Variants in ITPKB observed in about 807,000 individuals in gnomAD.
ITPKB encodes IP3 3-kinase B.
A neutral mutation model predicts 69.4 loss-of-function variants in ITPKB; 13 were observed. The ratio of observed to expected loss-of-function variants is 0.19; its 90% CI spans 0.12 to 0.30. The LOEUF is 0.30. Among genes scored for constraint, ITPKB ranks in the 10% least tolerant of loss-of-function variants. ITPKB has a pLI of 1.00. For synonymous variants in ITPKB, 584 were observed against 513.7 expected (o/e 1.14, Z -1.85); for missense variants, 1,240 against 1,250.5 (o/e 0.99, Z 0.13).
Position 226,639,636 on chromosome 1 carries a change from C to T in ITPKB, c.2474G>A (p.Arg825Gln), listed in dbSNP as rs755294781. The T allele has an allele frequency of 4.3e-6, 7 of 1,613,384 alleles. No homozygotes were observed. The highest frequency in any genetic ancestry group is 3.3e-5 in the South Asian group (3 of 91,072). The change falls in exon 6 of 8, where the codon CGG becomes CAG. Residue 825 changes from arginine to glutamine, a missense_variant. Transcript: ENST00000429204. ...CCTCGTTTTGGTCTTCTTGAAGTCC[C>T]GGTTCACGGTGCCGTCTTCTTTCTG... ...GIKKEDGTVNRDFKKTKTREQ... is the reference protein window; with the variant it reads ...GIKKEDGTVNQDFKKTKTREQ...
At chr1:226,730,388 T>C (rs1225049065) in intron 2 of ITPKB, among the ~76,000 whole-genome samples, 1 of 152,216 alleles carries the variant, frequency 6.6e-6, no homozygotes, top group Non-Finnish European at 1.5e-5. Flanking sequence ...TAGTTGGGTT[T>C]GGTGTGACTT....
chr1:226,654,019 G>A (rs1461832681), intron 2 of ITPKB, among the ~76,000 whole-genome samples: 2 of 152,190 alleles, frequency 1.3e-5, no homozygotes, highest in Non-Finnish European at 2.9e-5. Context: ...GGGAAAGATG[G>A]AGCTTCAATT....
intron 2 of ITPKB, among the ~76,000 whole-genome samples, chr1:226,677,551 G>A (rs1228008304): frequency 6.6e-6 from 1 of 152,204 alleles, no homozygotes; most frequent in South Asian, 2.1e-4. Context: ...CATCCACCCT[G>A]AATATTGCTG....
chr1:226,722,821 C>T (rs1657284188), intron 2 of ITPKB, among the ~76,000 whole-genome samples: 1 of 152,090 alleles, frequency 6.6e-6, no homozygotes, highest in Non-Finnish European at 1.5e-5. Context: ...ACATTCAGAG[C>T]CTGGAAGCTC....
intron 2 of ITPKB, among the ~76,000 whole-genome samples, chr1:226,722,267 G>T (rs1175866497): frequency 6.6e-6 from 1 of 152,156 alleles, no homozygotes; most frequent in Non-Finnish European, 1.5e-5. Context: ...GGGGCTCCTT[G>T]CCACTCCAAC....
chr1:226,643,133 C>A (rs1668996518), intron 4 of ITPKB, among the ~76,000 whole-genome samples: 1 of 152,230 alleles, frequency 6.6e-6, no homozygotes, highest in South Asian at 2.1e-4. Context: ...ACACGAGCAG[C>A]TCCAGCTGAA....
Position 226,642,229 on chromosome 1 carries a change from A to G in ITPKB, c.2247-104T>C. On this transcript the variant is annotated intron_variant, in intron 4 of 7. Transcript: ENST00000429204. The surrounding 1 kb of genome is among the most constrained non-coding windows in gnomAD (Gnocchi z 6.4). ...GAAGGTTTGGGGCGTGTGTTGCCCA[A>G]CAGCTGCAGTCAGCTCAGTGCCCTG... The G allele has an allele frequency of 3.3e-6, 3 of 909,918 alleles. No homozygotes were observed. The highest frequency in any genetic ancestry group is 3.4e-6 in the Non-Finnish European group (2 of 587,836). 56.4% of individuals were successfully genotyped at this position (909,918 alleles called of 1,614,324 possible). A position where few individuals can be genotyped will look rare whatever the true frequency, so the allele number is the denominator to read the frequency against.
In ITPKB at chr1:226,729,889, C is replaced by T. The variant is rs1296703259; in HGVS notation, c.1932+5638G>A. 2.0e-5 allele frequency among the ~76,000 whole-genome samples: 3 copies of T among 152,150 alleles called. No individual in the cohort carries two copies. The East Asian group carries it at 5.8e-4, about 29-fold the overall frequency. On this transcript the variant is annotated intron_variant, in intron 2 of 7. Transcript: ENST00000429204. ...GGATTACAGGCATGAACCACCACAC[C>T]TGGCCTAGTTTTTGTTATTTTTTAA...
chr1:226,723,823 T>C (rs936682973), intron 2 of ITPKB, among the ~76,000 whole-genome samples: 8 of 152,238 alleles, frequency 5.3e-5, no homozygotes, highest in African/African-American at 1.7e-4. Flanking sequence ...GGCAGCTGAA[T>C]ACAGGGGATT....
At chr1:226,723,771 A>G (rs1463683482) in intron 2 of ITPKB, among the ~76,000 whole-genome samples, 1 of 151,950 alleles carries the variant, frequency 6.6e-6, no homozygotes, top group Non-Finnish European at 1.5e-5. Context: ...ACAGAATAAA[A>G]AGAGGCTGGT....
intron 2 of ITPKB, among the ~76,000 whole-genome samples, chr1:226,684,617 CT>C (rs2102776305): frequency 6.6e-6 from 1 of 152,356 alleles, no homozygotes; most frequent in South Asian, 2.1e-4. Flanking sequence ...ATAGAGAACA[CT>C]GGTGAACCAG....
intron 2 of ITPKB, 96 bp downstream of exon 2, chr1:226,735,431 T>C (rs1657714341): frequency 1.5e-6 from 2 of 1,346,122 alleles, no homozygotes; most frequent in Non-Finnish European, 1.9e-6. Context: ...TGAGTTTTCA[T>C]GACTGTGTAG....
At chr1:226,675,829 C>T (rs1463138321) in intron 2 of ITPKB, among the ~76,000 whole-genome samples, 1 of 152,176 alleles carries the variant, frequency 6.6e-6, no homozygotes, top group Non-Finnish European at 1.5e-5. Context: ...GAGTCCCAGC[C>T]TCTTGCTCCT....
chr1:226,703,809 G>T (rs1656738323), intron 2 of ITPKB, among the ~76,000 whole-genome samples: 2 of 152,246 alleles, frequency 1.3e-5, no homozygotes, highest in Admixed American at 6.5e-5. Context: ...TGGGAGAAAG[G>T]ATGTGTTTCA....
chr1:226,725,711 T>G (rs903351540), intron 2 of ITPKB, among the ~76,000 whole-genome samples: 8 of 152,188 alleles, frequency 5.3e-5, no homozygotes, highest in African/African-American at 1.9e-4. Flanking sequence ...CTGTTACATC[T>G]GCATGCCCAC....
chr1:226,737,522 T>C lies in ITPKB; in HGVS notation c.-64A>G. The C allele has an allele frequency of 7.1e-7, 1 of 1,406,998 alleles. No individual in the cohort carries two copies. The highest frequency in any genetic ancestry group is 1.8e-5 in the South Asian group (1 of 55,652). The allele number at this position is 1,406,998 out of a possible 1,614,324, so 87.2% of individuals were successfully genotyped here. A position where few individuals can be genotyped will look rare whatever the true frequency, so the allele number is the denominator to read the frequency against. ...CTCCTGCTCCGCCGCCGGCGCCTCC[T>C]CCTCCCGGCGCTCCCGGCTCAGCCC... On this transcript the variant is annotated 5_prime_UTR_variant, in exon 2 of 8. Transcript: ENST00000429204.
intron 6 of ITPKB, among the ~76,000 whole-genome samples, chr1:226,638,819 T>C (rs1303573061): frequency 6.6e-6 from 1 of 151,846 alleles, no homozygotes; most frequent in Non-Finnish European, 1.5e-5. Flanking sequence ...TGCTGCACGC[T>C]TGGCATGACA....
intron 4 of ITPKB, among the ~76,000 whole-genome samples, chr1:226,644,510 G>A (rs3820635): frequency 0.082 from 12,445 of 152,268 alleles, 654 homozygotes; most frequent in East Asian, 0.15. Flanking sequence ...CAGGCCCCTG[G>A]TCCCAATGTC....
rs767343337 is a variant in ITPKB, at chr1:226,737,429, G to A, written c.30C>T (p.Ser10=). Reference sequence around the variant, plus strand: ...CGTTGGCGCTATTCATGATCACCAGGCTATTGAGCGCATAGCAGTACACAG... The same window carrying A: ...CGTTGGCGCTATTCATGATCACCAGACTATTGAGCGCATAGCAGTACACAG... MAVYCYALN[S]LVIMNSANEM... The change falls in exon 2 of 8, where the codon AGC becomes AGT. Residue 10 remains serine (S), a synonymous_variant. Transcript: ENST00000429204. 6 of 1,611,232 alleles carry A rather than the reference G, an allele frequency of 3.7e-6. No individual in the cohort carries two copies. The highest frequency in any genetic ancestry group is 1.1e-5 in the South Asian group (1 of 91,048).
Sources: allele counts gnomAD v4.1 joint callset (sites outside exome capture counted in the v4.1 genomes callset), GRCh38; gene constraint gnomAD v4.1.1; non-coding constraint Gnocchi (gnomAD v3.1); transcripts MANE v1.5; gene names NCBI Gene and HGNC (gene_info 2026-07-23, HGNC 2026-07-21).